ARB2A: variants seen among roughly 807,000 people sequenced by gnomAD.
The protein encoded by ARB2A is ARB2 cotranscriptional regulator A, also known as cotranscriptional regulator ARB2A.
the ARB2A span, among the ~76,000 whole-genome samples, chr5:93,828,048 G>A: frequency 6.6e-6 from 1 of 152,092 alleles, no homozygotes; most frequent in Admixed American, 6.6e-5. Context: ...TTGTTCTTTT[G>A]GCATAGGATT....
the ARB2A span, among the ~76,000 whole-genome samples, chr5:93,868,869 G>A: frequency 6.6e-6 from 1 of 152,068 alleles, no homozygotes; most frequent in East Asian, 1.9e-4. Context: ...TACCAACCAA[G>A]GAAACTCTAT....
chr5:93,703,009 C>G, the ARB2A span, among the ~76,000 whole-genome samples: 2 of 151,926 alleles, frequency 1.3e-5, no homozygotes, highest in Admixed American at 1.3e-4. Flanking sequence ...TAAAAATGAC[C>G]CATTTATCAG....
chr5:94,017,625 G>T, the ARB2A span, among the ~76,000 whole-genome samples: 1 of 152,154 alleles, frequency 6.6e-6, no homozygotes, highest in Non-Finnish European at 1.5e-5. Context: ...ATGCTAAATA[G>T]ACTCCAGCCT....
At chr5:93,934,995 A>G in the ARB2A span, among the ~76,000 whole-genome samples, 39 of 152,282 alleles carry the variant, frequency 2.6e-4, no homozygotes, top group African/African-American at 9.4e-4. Flanking sequence ...CAAACAACGT[A>G]TGTTCTCACT....
At chr5:93,972,412 C>T in the ARB2A span, among the ~76,000 whole-genome samples, 1 of 151,502 alleles carries the variant, frequency 6.6e-6, no homozygotes, top group Non-Finnish European at 1.5e-5. Flanking sequence ...ACAGTCATAC[C>T]CACAAGGGAA....
the ARB2A span, among the ~76,000 whole-genome samples, chr5:93,760,183 T>C: frequency 1.3e-3 from 194 of 152,204 alleles, 1 homozygote; most frequent in African/African-American, 4.5e-3. Context: ...CTTAGGAATA[T>C]ACCTAACCAA....
At chr5:93,815,026 A>G in the ARB2A span, among the ~76,000 whole-genome samples, 1 of 151,842 alleles carries the variant, frequency 6.6e-6, no homozygotes, top group African/African-American at 2.4e-5. Flanking sequence ...AAATTTTTGT[A>G]CAAACGAGGT....
the ARB2A span, chr5:93,741,108 T>G: frequency 3.2e-5 from 52 of 1,613,450 alleles, no homozygotes; most frequent in South Asian, 4.1e-4. Flanking sequence ...CAAACAGAGC[T>G]CCCACAGCGA....
the ARB2A span, among the ~76,000 whole-genome samples, chr5:94,071,638 T>G: frequency 6.6e-6 from 1 of 152,034 alleles, no homozygotes; most frequent in Admixed American, 6.6e-5. Flanking sequence ...CATGAAAAGA[T>G]GTATGGTCAA....
chr5:93,965,105 A>G, the ARB2A span, among the ~76,000 whole-genome samples: 1 of 152,090 alleles, frequency 6.6e-6, no homozygotes, highest in Non-Finnish European at 1.5e-5. Flanking sequence ...ACCAACAGAT[A>G]TAACTGAAGT....
At chr5:93,736,937 C>T in the ARB2A span, 1 of 152,116 alleles carries the variant, frequency 6.6e-6, no homozygotes, top group South Asian at 2.1e-4. Context: ...CAACACAGTA[C>T]TACACATTTT....
At chr5:93,717,187 TG>T in the ARB2A span, among the ~76,000 whole-genome samples, 4 of 152,200 alleles carry the variant, frequency 2.6e-5, no homozygotes, top group African/African-American at 9.6e-5. Context: ...AAAATCCCAG[TG>T]GATCCTGAGC....
chr5:93,905,314 A>T, the ARB2A span, among the ~76,000 whole-genome samples: 2 of 151,608 alleles, frequency 1.3e-5, no homozygotes, highest in African/African-American at 4.8e-5. Context: ...AAACAAATAA[A>T]TTGTTATGAT....
At chr5:93,991,857 T>C in the ARB2A span, among the ~76,000 whole-genome samples, 2 of 151,954 alleles carry the variant, frequency 1.3e-5, no homozygotes, top group African/African-American at 4.8e-5. Flanking sequence ...TATTTGAAGA[T>C]ATAAGGGTAG....
the ARB2A span, among the ~76,000 whole-genome samples, chr5:93,703,691 C>A: frequency 6.6e-6 from 1 of 152,310 alleles, no homozygotes; most frequent in South Asian, 2.1e-4. Context: ...TATCTCTACA[C>A]AAGCACCAGT....
chr5:93,974,951 A>G, the ARB2A span, among the ~76,000 whole-genome samples: 2 of 152,156 alleles, frequency 1.3e-5, no homozygotes, highest in Non-Finnish European at 2.9e-5. Flanking sequence ...ATAGAGACAC[A>G]TACACCTCTG....
the ARB2A span, among the ~76,000 whole-genome samples, chr5:93,730,363 C>CT: frequency 6.6e-6 from 1 of 151,586 alleles, no homozygotes; most frequent in African/African-American, 2.4e-5. Context: ...TATGGGGAGT[C>CT]TTTTTTTTCC....
the ARB2A span, among the ~76,000 whole-genome samples, chr5:93,759,886 T>C: frequency 6.6e-6 from 1 of 152,010 alleles, no homozygotes; most frequent in Non-Finnish European, 1.5e-5. Flanking sequence ...ACACTGGAAG[T>C]TCCAGCCAGA....
the ARB2A span, among the ~76,000 whole-genome samples, chr5:94,070,592 C>T: frequency 6.6e-6 from 1 of 151,924 alleles, no homozygotes; most frequent in East Asian, 1.9e-4. Context: ...CAAAATATCA[C>T]ATGTACCCCA....
Sources: gnomAD v4.1 joint callset for allele counts (sites outside exome capture counted in the v4.1 genomes callset) on GRCh38, gnomAD v4.1.1 for gene constraint, MANE v1.5 for transcripts, NCBI Gene and HGNC (gene_info 2026-07-23, HGNC 2026-07-21) for gene names.